Variants in ADAMTSL3 observed in about 807,000 individuals in gnomAD.
ADAMTSL3 encodes ADAMTS like 3, also known as ADAMTS-like protein 3.
Under a neutral mutation model 201.7 loss-of-function variants are expected in ADAMTSL3, and 128 were observed. The observed-to-expected ratio is 0.63, with a 90% CI of 0.55 to 0.73. The LOEUF is 0.73. Among genes scored for constraint, ADAMTSL3 ranks in the 30% least tolerant of loss-of-function variants. The pLI, the probability that ADAMTSL3 is intolerant of heterozygous loss-of-function variation, is 0.00. For missense variants in ADAMTSL3, 1,990 were observed against 2,119.6 expected, an observed-to-expected ratio of 0.94 and a Z score of 1.20; for synonymous variants, 738 against 748.4, an observed-to-expected ratio of 0.99 and a Z score of 0.23.
Position 83,885,227 on chromosome 15 carries a change from T to C in ADAMTSL3, c.1072+15T>C. On this transcript the variant is annotated intron_variant, in intron 10 of 29. Coordinates refer to ENST00000286744, the MANE Select transcript of ADAMTSL3 (RefSeq NM_207517.3). ...GTGTGGAGGAGGTGAGGCCCAGGCT[T>C]TGTTCATGAATATTTAGAGCTCAGA... is the stretch of plus-strand genomic sequence containing the variant. 1 of 1,572,382 alleles carries C rather than the reference T, an allele frequency of 6.4e-7. No homozygotes were observed. Among genetic ancestry groups the C allele is most frequent in the Non-Finnish European group, 8.7e-7 (1 of 1,142,964 alleles).
intron 3 of ADAMTSL3, among the ~76,000 whole-genome samples, 188 bp downstream of exon 3, chr15:83,704,696 T>C (rs935631563): frequency 3.3e-5 from 5 of 152,260 alleles, no homozygotes; most frequent in African/African-American, 4.8e-5. Context: ...TCCTATATAA[T>C]GTGCAGTTCT....
chr15:83,678,294 G>A (rs1030522776), intron 2 of ADAMTSL3, among the ~76,000 whole-genome samples: 1 of 151,732 alleles, frequency 6.6e-6, no homozygotes, highest in African/African-American at 2.4e-5. Context: ...CTTTCTTTTT[G>A]GAACACTTCT....
At chr15:83,657,191 G>A (rs564274252) in intron 2 of ADAMTSL3, among the ~76,000 whole-genome samples, 1 of 149,880 alleles carries the variant, frequency 6.7e-6, no homozygotes, top group East Asian at 2.0e-4. Flanking sequence ...TTTGTTCCTG[G>A]TCAAATGGGG....
chr15:84,016,649 T>C (rs2068092062), intron 25 of ADAMTSL3, 150 bp downstream of exon 25: 2 of 670,124 alleles, frequency 3.0e-6, no homozygotes, highest in South Asian at 2.1e-5. Flanking sequence ...CCTCAGTCTT[T>C]AGTGGTTCAA....
intron 3 of ADAMTSL3, among the ~76,000 whole-genome samples, chr15:83,727,752 A>T (rs115352743): frequency 6.6e-6 from 1 of 151,406 alleles, no homozygotes; most frequent in African/African-American, 2.4e-5. Context: ...TTCAATTTAA[A>T]TTTTTTTTTA....
intron 9 of ADAMTSL3, among the ~76,000 whole-genome samples, chr15:83,878,591 G>A (rs1219398264): frequency 2.0e-5 from 3 of 148,876 alleles, no homozygotes; most frequent in African/African-American, 5.0e-5. Context: ...TCCAGCCTGG[G>A]TGACAGAGTG....
chr15:83,976,661 A>G (rs2067293809), intron 20 of ADAMTSL3, among the ~76,000 whole-genome samples: 1 of 151,912 alleles, frequency 6.6e-6, no homozygotes, highest in Admixed American at 6.6e-5. Context: ...CCTCACGTGC[A>G]CAGTTCACAG....
At chr15:83,677,964 C>T (rs1567066328) in intron 2 of ADAMTSL3, among the ~76,000 whole-genome samples, 1 of 150,826 alleles carries the variant, frequency 6.6e-6, no homozygotes, top group South Asian at 2.1e-4. Context: ...CTGTCTCTCT[C>T]TATTTCTCTC....
intron 2 of ADAMTSL3, among the ~76,000 whole-genome samples, chr15:83,664,590 A>G (rs1244214478): frequency 6.6e-6 from 1 of 152,188 alleles, no homozygotes; most frequent in African/African-American, 2.4e-5. Flanking sequence ...CCCATCTCAG[A>G]AATGTCTTTT....
At chr15:84,029,354 C>G (rs2068362505) in intron 27 of ADAMTSL3, among the ~76,000 whole-genome samples, 1 of 152,106 alleles carries the variant, frequency 6.6e-6, no homozygotes, top group Admixed American at 6.5e-5. Flanking sequence ...GGAACTAGAG[C>G]AAAGGTGACT....
At chr15:83,884,898 G>A (rs982007230) in intron 9 of ADAMTSL3, among the ~76,000 whole-genome samples, 5 of 152,168 alleles carry the variant, frequency 3.3e-5, no homozygotes, top group African/African-American at 1.2e-4. Context: ...AGGGAGATTT[G>A]CAGAAGATCA....
intron 2 of ADAMTSL3, among the ~76,000 whole-genome samples, chr15:83,688,480 A>G (rs1297328741): frequency 6.6e-6 from 1 of 152,092 alleles, no homozygotes; most frequent in Non-Finnish European, 1.5e-5. Flanking sequence ...AAGAAAAGTA[A>G]CTCATAATGG....
In ADAMTSL3 at chr15:83,779,069, CTAAATATA is replaced by C. The variant is rs201119691; in HGVS notation, c.317+5422_317+5429del. 6.2e-3 allele frequency among the ~76,000 whole-genome samples: 945 copies of C among 152,204 alleles called. 11 individuals are homozygous for C. Among genetic ancestry groups the C allele is most frequent in the Non-Finnish European group, 7.0e-3 (474 of 68,004 alleles). ...CAATTCACAAGAAGACCGAACTATC[CTAAATATA>C]TATGCACCCAACACAGCAGCACCCA... On this transcript the variant is annotated intron_variant, in intron 4 of 29. Transcript: ENST00000286744.
At chr15:83,943,261 T>C (rs957725233) in intron 19 of ADAMTSL3, among the ~76,000 whole-genome samples, 179 bp downstream of exon 19, 1 of 152,218 alleles carries the variant, frequency 6.6e-6, no homozygotes, top group African/African-American at 2.4e-5. Flanking sequence ...AGTCCAGGCC[T>C]GCACACAATG....
At chr15:83,704,020 AC>A (rs1238070995) in intron 2 of ADAMTSL3, among the ~76,000 whole-genome samples, 8 of 138,872 alleles carry the variant, frequency 5.8e-5, no homozygotes, top group Non-Finnish European at 9.5e-5. Flanking sequence ...AAAAAAAAAC[AC>A]AAAAGGAAGA....
intron 6 of ADAMTSL3, among the ~76,000 whole-genome samples, chr15:83,830,538 T>C (rs1055624498): frequency 6.6e-6 from 1 of 152,216 alleles, no homozygotes; most frequent in Non-Finnish European, 1.5e-5. Context: ...CCACTTCATT[T>C]TGACTAAAGA....
At chr15:83,888,620 C>T (rs976219382) in intron 10 of ADAMTSL3, among the ~76,000 whole-genome samples, 2 of 152,160 alleles carry the variant, frequency 1.3e-5, no homozygotes, top group Non-Finnish European at 2.9e-5. Flanking sequence ...CTTGAATGGA[C>T]TTTCCTAGTC....
chr15:83,929,343 C>G (rs1037642263), intron 17 of ADAMTSL3, among the ~76,000 whole-genome samples: 2 of 152,116 alleles, frequency 1.3e-5, no homozygotes, highest in African/African-American at 4.8e-5. Context: ...GTGAGAGAGC[C>G]TTGGTTCCAT....
chr15:84,016,407 T>C lies in ADAMTSL3; in HGVS notation c.4181T>C (p.Ile1394Thr). 2.5e-6 allele frequency: 4 copies of C among 1,613,870 alleles called. No individual in the cohort carries two copies. The highest frequency in any genetic ancestry group is 3.4e-6 in the Non-Finnish European group (4 of 1,179,924). ...GAACGAAGATGGCCAGAGAGTAGAA[T>C]CGTATTTCTGCAAGGACATAAAAAG... is the stretch of plus-strand genomic sequence containing the variant. ...LLERRWPESR[I>T]VFLQGHKKYI... is the part of the protein sequence containing the mutation. Residue 1394 changes from isoleucine to threonine, a missense_variant, in exon 25 of 30, where the codon ATC (isoleucine) becomes ACC (threonine). Physicochemically the swap from Ile to Thr is moderately conservative, Grantham distance 89. Transcript: ENST00000286744.
Sources: allele counts gnomAD v4.1 joint callset (sites outside exome capture counted in the v4.1 genomes callset), GRCh38; gene constraint gnomAD v4.1.1; transcripts MANE v1.5; gene names NCBI Gene and HGNC (gene_info 2026-07-23, HGNC 2026-07-21).